Variants in SLIT3 observed in about 807,000 individuals in gnomAD.
SLIT3 encodes slit homolog 3 protein.
A neutral mutation model predicts 184.0 loss-of-function variants in SLIT3; 68 were observed. The observed-to-expected ratio is 0.37, with a 90% CI of 0.30 to 0.45. SLIT3 has a LOEUF of 0.45. SLIT3 is among the 20% of genes least tolerant of loss of function. The pLI is 1.00. For synonymous variants in SLIT3, 831 were observed against 828.6 expected (o/e 1.00, Z -0.05); for missense variants, 1,707 against 2,026.0 (o/e 0.84, Z 3.02).
chr5:168,811,674 A>G (rs2113644209), intron 8 of SLIT3, among the ~76,000 whole-genome samples: 1 of 152,324 alleles, frequency 6.6e-6, no homozygotes, highest in East Asian at 1.9e-4. Context: ...CTATCACCCC[A>G]TCCCAGTTTG....
At position 168,662,693 on chromosome 5, in the gene SLIT3, G is replaced by A. The variant is rs1389394025; in HGVS notation, c.*3761C>T. ...GAACTTTTAAATACATAATCTCATC[G>A]GCCATCGTACGGCCCCTTGGCTGAG... On this transcript the variant is annotated 3_prime_UTR_variant, in exon 36 of 36. Transcript: ENST00000519560. 2.0e-5 allele frequency: 3 copies of A among 152,194 alleles called. No individual in the cohort carries two copies. The highest frequency in any genetic ancestry group is 2.9e-5 in the Non-Finnish European group (2 of 68,022). 9.4% of individuals were successfully genotyped at this position (152,194 alleles called of 1,614,324 possible).
intron 3 of SLIT3, among the ~76,000 whole-genome samples, chr5:169,239,872 T>C (rs1364773969): frequency 2.6e-5 from 4 of 152,124 alleles, no homozygotes; most frequent in Non-Finnish European, 4.4e-5. Context: ...ATAGATACTA[T>C]ACATAATATA....
At chr5:169,152,153 G>A (rs1265643317) in intron 4 of SLIT3, among the ~76,000 whole-genome samples, 2 of 152,194 alleles carry the variant, frequency 1.3e-5, no homozygotes, top group Admixed American at 1.3e-4. Context: ...AAGAGCCCCA[G>A]GTTTGAAGTC....
Position 168,772,958 on chromosome 5 carries a change from G to A in SLIT3, c.1296-14C>T, listed in dbSNP as rs373726518. On this transcript the variant is annotated splice_polypyrimidine_tract_variant and intron_variant, in intron 13 of 35. Transcript: ENST00000519560. ...TGGGCTAAGTGGCTGCGAGAGGGAT[G>A]GGGCCGTTAATCAGGAGTGACCCAC... is the stretch of plus-strand genomic sequence containing the variant. 48 of 1,584,234 alleles carry A rather than the reference G, an allele frequency of 3.0e-5. No homozygotes were observed. Among genetic ancestry groups the A allele is most frequent in the Admixed American group, 3.5e-5 (2 of 57,496 alleles).
intron 26 of SLIT3, chr5:168,707,668 G>C: frequency 3.6e-6 from 1 of 275,168 alleles, no homozygotes; most frequent in Non-Finnish European, 6.9e-6. Flanking sequence ...CCTCTACTTG[G>C]AAACACTTTT....
At chr5:169,026,802 A>T (rs1756843693) in intron 4 of SLIT3, among the ~76,000 whole-genome samples, 1 of 152,024 alleles carries the variant, frequency 6.6e-6, no homozygotes, top group East Asian at 1.9e-4. Flanking sequence ...TCAGAAAAAA[A>T]AAACCCACCC....
chr5:168,932,445 C>A (rs1762021895), intron 4 of SLIT3, among the ~76,000 whole-genome samples: 1 of 150,554 alleles, frequency 6.6e-6, no homozygotes, highest in African/African-American at 2.4e-5. Context: ...TTTCTCTTTC[C>A]CTAGGAGACA....
rs6864513 is a variant in SLIT3 at position 169,199,002 on chromosome 5, A to T, written c.342-5452T>A. Among the ~76,000 whole-genome samples the T allele has an allele frequency of 6.6e-3, 987 of 150,094 alleles. 12 individuals are homozygous for T. The highest frequency in any genetic ancestry group is 0.022 in the African/African-American group (913 of 40,722). Reference sequence around the variant, plus strand: ...TATGTGTGTATATTTATATATATATATATAAATACACACACACACACACAC... The same window carrying T: ...TATGTGTGTATATTTATATATATATTTATAAATACACACACACACACACAC... On this transcript the variant is annotated intron_variant, in intron 3 of 35. Transcript: ENST00000519560.
At chr5:169,097,605 G>A (rs943909782) in intron 4 of SLIT3, among the ~76,000 whole-genome samples, 3 of 146,286 alleles carry the variant, frequency 2.1e-5, no homozygotes, top group Admixed American at 1.5e-4. Context: ...CTACCAGGGA[G>A]ATGTTTATTC....
At position 168,898,598 on chromosome 5, in the gene SLIT3, CAAAT is replaced by C. The variant is rs533725229; in HGVS notation, c.414-15266_414-15263del. ...CTTTTTTGGCCACTGTTCAAAATGT[CAAAT>C]AAATCGTGAAAAGGGGATTAAAAGA... On this transcript the variant is annotated intron_variant, in intron 4 of 35. Transcript: ENST00000519560. Among the ~76,000 whole-genome samples the C allele has an allele frequency of 2.1e-3, 314 of 152,192 alleles. 1 individual carries two copies. Among genetic ancestry groups the C allele is most frequent in the African/African-American group, 7.1e-3 (293 of 41,518 alleles).
chr5:168,879,934 G>A (rs1284791811), intron 5 of SLIT3, among the ~76,000 whole-genome samples: 1 of 152,096 alleles, frequency 6.6e-6, no homozygotes, highest in Non-Finnish European at 1.5e-5. Flanking sequence ...GCACTTAGAA[G>A]GCACTCAAAA....
chr5:169,251,362 A>T (rs1485584266), intron 2 of SLIT3, 26 bp downstream of exon 2: 2 of 1,554,142 alleles, frequency 1.3e-6, no homozygotes, highest in Non-Finnish European at 1.8e-6. Flanking sequence ...AAATGAAAAC[A>T]CACTTGAGAG....
At chr5:169,040,707 G>A (rs1757419173) in intron 4 of SLIT3, among the ~76,000 whole-genome samples, 1 of 152,200 alleles carries the variant, frequency 6.6e-6, no homozygotes, top group African/African-American at 2.4e-5. Flanking sequence ...TTTGCGTGAT[G>A]GCACTGGATT....
At chr5:169,106,386 G>A (rs1004862641) in intron 4 of SLIT3, among the ~76,000 whole-genome samples, 3 of 152,140 alleles carry the variant, frequency 2.0e-5, no homozygotes, top group Non-Finnish European at 4.4e-5. Context: ...TGTACCAAAG[G>A]CATGAAAGGG....
chr5:169,169,398 T>G (rs1762748937), intron 4 of SLIT3, among the ~76,000 whole-genome samples: 1 of 152,234 alleles, frequency 6.6e-6, no homozygotes, highest in South Asian at 2.1e-4. Context: ...ACATGGCTTG[T>G]CTACATATGA....
intron 4 of SLIT3, among the ~76,000 whole-genome samples, chr5:169,089,090 A>G (rs1759465573): frequency 7.1e-6 from 1 of 141,008 alleles, no homozygotes; most frequent in African/African-American, 2.6e-5. Context: ...TGGTAGGGCC[A>G]GGGAATCTGT....
intron 4 of SLIT3, among the ~76,000 whole-genome samples, chr5:168,982,361 T>C (rs1442854320): frequency 1.3e-5 from 2 of 152,148 alleles, no homozygotes; most frequent in African/African-American, 2.4e-5. Flanking sequence ...TCTCTCTCCA[T>C]GTGATACCCT....
intron 5 of SLIT3, among the ~76,000 whole-genome samples, chr5:168,849,990 A>G (rs1758613514): frequency 6.6e-6 from 1 of 152,144 alleles, no homozygotes; most frequent in African/African-American, 2.4e-5. Flanking sequence ...TTTTTTTATG[A>G]CAGTTTAACA....
At chr5:169,130,738 AT>A (rs2113313574) in intron 4 of SLIT3, among the ~76,000 whole-genome samples, 1 of 152,338 alleles carries the variant, frequency 6.6e-6, no homozygotes, top group Non-Finnish European at 1.5e-5. Flanking sequence ...CTGCTTAAAA[AT>A]AATCTGAAAC....
Sources: allele counts gnomAD v4.1 joint callset (sites outside exome capture counted in the v4.1 genomes callset), GRCh38; gene constraint gnomAD v4.1.1; transcripts MANE v1.5; gene names NCBI Gene and HGNC (gene_info 2026-07-23, HGNC 2026-07-21).